The following ZDHHC18 variants were observed in gnomAD, a reference collection of about 807,000 sequenced individuals.
ZDHHC18 encodes palmitoyltransferase ZDHHC18.
Under a neutral mutation model 37.5 loss-of-function variants are expected in ZDHHC18, and 23 were observed. That is an observed-to-expected ratio of 0.61 (90% confidence interval 0.44 to 0.87). The LOEUF (loss-of-function observed/expected upper bound fraction) is 0.87, where lower values mean the gene tolerates loss of function less well. ZDHHC18 is among the 40% of genes least tolerant of loss of function. ZDHHC18 has a pLI of 0.00. For synonymous variants in ZDHHC18, 185 were observed against 218.7 expected (o/e 0.85, Z 1.36); for missense variants, 406 against 525.6 (o/e 0.77, Z 2.22).
Position 26,852,820 on chromosome 1 carries a change from T to G in ZDHHC18, c.1004T>G (p.Ile335Ser). The part of the protein sequence containing the change: ...ASVNPYSHKS[I>S]ITNCCAVLCG... ...GTCAACCCCTACAGCCATAAAAGTA[T>G]TATCACCAACTGCTGTGCTGTGCTC... Residue 335 changes from isoleucine to serine, a missense_variant, in exon 7 of 8, where the codon ATT becomes AGT. Ile to Ser is a moderately radical substitution (Grantham distance 142, BLOSUM62 -2). Coordinates refer to ENST00000374142, the MANE Select transcript of ZDHHC18 (RefSeq NM_032283.3). 1 of 1,614,062 alleles carries G rather than the reference T, an allele frequency of 6.2e-7. No homozygotes were observed. The highest frequency in any genetic ancestry group is 8.5e-7 in the Non-Finnish European group (1 of 1,179,968).
intron 2 of ZDHHC18, among the ~76,000 whole-genome samples, chr1:26,843,347 G>A (rs966868380): frequency 7.3e-5 from 11 of 150,804 alleles, no homozygotes; most frequent in African/African-American, 2.4e-4. Context: ...CACCAGGTTG[G>A]CCAGGCTGGT....
chr1:26,834,977 G>C (rs752386732), intron 2 of ZDHHC18, among the ~76,000 whole-genome samples: 25 of 152,214 alleles, frequency 1.6e-4, no homozygotes, highest in Non-Finnish European at 3.2e-4. Flanking sequence ...TTTAGAAGAG[G>C]GTCAGAGGAG....
chr1:26,826,981 C>T lies in ZDHHC18; in HGVS notation c.177C>T (p.Ser59=). 8.2e-7 allele frequency: 1 copy of T among 1,223,594 alleles called. No homozygotes were observed. Among genetic ancestry groups the T allele is most frequent in the Non-Finnish European group, 1.0e-6 (1 of 982,514 alleles). The allele number at this position is 1,223,594 out of a possible 1,614,324, so 75.8% of individuals were successfully genotyped here. Residue 59 remains serine, a synonymous_variant, in exon 1 of 8, where the codon AGC becomes AGT. Transcript: ENST00000374142. This position sits in a 1 kb window ranked among gnomAD's most constrained non-coding sequence, Gnocchi z 5.2. ...SSSGSGSGSG[S]GSLGRRPRRK... ...GCGGCAGCGGCAGCGGCAGCGGGAG[C>T]GGGAGCCTCGGCCGCCGCCCACGGC...
intron 2 of ZDHHC18, among the ~76,000 whole-genome samples, chr1:26,843,869 G>A (rs1027201768): frequency 2.6e-5 from 4 of 152,122 alleles, no homozygotes; most frequent in Non-Finnish European, 5.9e-5. Context: ...AATCAGCACT[G>A]AGATCAAGAA....
chr1:26,851,883 A>G (rs540527856), intron 6 of ZDHHC18, among the ~76,000 whole-genome samples: 4 of 152,344 alleles, frequency 2.6e-5, no homozygotes, highest in South Asian at 4.1e-4. Context: ...GCCATCAACA[A>G]GCATGTTTGA....
At position 26,850,637 on chromosome 1, in the gene ZDHHC18, T is replaced by C. The variant is rs1334096087; in HGVS notation, c.833+31T>C. 3 of 1,613,376 alleles carry C rather than the reference T, an allele frequency of 1.9e-6. No homozygotes were observed. Among genetic ancestry groups the C allele is most frequent in the South Asian group, 2.2e-5 (2 of 90,966 alleles). On this transcript the variant is annotated intron_variant, in intron 5 of 7. Transcript: ENST00000374142. The surrounding 1 kb of genome is among the most constrained non-coding windows in gnomAD (Gnocchi z 6.1). ...CTTTGTCAGCTAGAGGACACTCCAG[T>C]GGGAACTGAGGTCCCTTCACTGGGT...
At chr1:26,847,689 C>T (rs78614739) in intron 2 of ZDHHC18, among the ~76,000 whole-genome samples, 20,102 of 148,682 alleles carry the variant, frequency 0.14, 1,434 homozygotes, top group Non-Finnish European at 0.17. Context: ...CTCTCTCTCT[C>T]TTTTTTTTTT....
chr1:26,848,351 T>G (rs1570674409), intron 2 of ZDHHC18, among the ~76,000 whole-genome samples: 1 of 149,644 alleles, frequency 6.7e-6, no homozygotes. Flanking sequence ...TTTCTGGGAG[T>G]CTCCTTCTCT....
At chr1:26,830,500 CA>C (rs2081583641) in intron 1 of ZDHHC18, among the ~76,000 whole-genome samples, 1 of 151,958 alleles carries the variant, frequency 6.6e-6, no homozygotes, top group African/African-American at 2.4e-5. Context: ...GTAGATAGTA[CA>C]GTAACTATCT....
At chr1:26,833,031 C>T (rs910827684) in intron 2 of ZDHHC18, among the ~76,000 whole-genome samples, 7 of 152,208 alleles carry the variant, frequency 4.6e-5, no homozygotes, top group Non-Finnish European at 8.8e-5. Flanking sequence ...CAGTCTAGAG[C>T]ACCTGCTCTT....
chr1:26,827,467 G>A (rs2273015), intron 1 of ZDHHC18, among the ~76,000 whole-genome samples: 24,679 of 151,444 alleles, frequency 0.16, 4,297 homozygotes, highest in East Asian at 0.87. Context: ...CCCCTCCACG[G>A]CCCCCATCCT....
chr1:26,827,373 C>G (rs1260247433), intron 1 of ZDHHC18, among the ~76,000 whole-genome samples: 3 of 150,564 alleles, frequency 2.0e-5, no homozygotes, highest in Non-Finnish European at 4.4e-5. Context: ...CGCTGGTGCC[C>G]TCCACCCTCC....
intron 2 of ZDHHC18, among the ~76,000 whole-genome samples, chr1:26,839,268 T>A (rs1175326969): frequency 6.6e-6 from 1 of 152,226 alleles, no homozygotes; most frequent in Non-Finnish European, 1.5e-5. Flanking sequence ...CCTTTTTACT[T>A]GGGAAGAGCC....
Position 26,856,742 on chromosome 1 carries a change from G to A in ZDHHC18, c.*2899G>A, listed in dbSNP as rs2081736452. 6.5e-6 allele frequency: 1 copy of A among 153,412 alleles called. No individual in the cohort carries two copies. The highest frequency in any genetic ancestry group is 1.9e-4 in the East Asian group (1 of 5,216). 9.5% of individuals were successfully genotyped at this position (153,412 alleles called of 1,614,324 possible). ...CTCTCGGGCAGAGGCAGGTGCTGTG[G>A]CAGCACCTCTCCCCACCACCGGGGC... On this transcript the variant is annotated 3_prime_UTR_variant, in exon 8 of 8. Transcript: ENST00000374142. The surrounding 1 kb of genome is among the most constrained non-coding windows in gnomAD (Gnocchi z 5.2).
chr1:26,830,517 G>A (rs1424278777), intron 1 of ZDHHC18, among the ~76,000 whole-genome samples: 1 of 151,868 alleles, frequency 6.6e-6, no homozygotes. Flanking sequence ...TATCTACATA[G>A]TACAGTAACT....
chr1:26,827,113 C>T lies in ZDHHC18; in HGVS notation c.309C>T (p.Thr103=), dbSNP rs1291681643. ...VFALTLLLIL[T]TTGLFFVFDC... ...CGCTCACGCTGCTGCTCATCCTCAC[C>T]ACCACCGGCCTCTTCTTCGTCTTTG... Residue 103 remains threonine, a synonymous_variant, in exon 1 of 8, where the codon ACC becomes ACT. Transcript: ENST00000374142. The T allele has an allele frequency of 3.7e-5, 52 of 1,415,958 alleles. No homozygotes were observed. The highest frequency in any genetic ancestry group is 4.3e-5 in the Non-Finnish European group (47 of 1,089,096). 87.7% of individuals were successfully genotyped at this position (1,415,958 alleles called of 1,614,324 possible).
intron 3 of ZDHHC18, among the ~76,000 whole-genome samples, chr1:26,849,966 A>G (rs2081693918): frequency 6.6e-6 from 1 of 152,210 alleles, no homozygotes; most frequent in Non-Finnish European, 1.5e-5. Context: ...AAAAACACAC[A>G]TGGGCAGAGT....
chr1:26,837,520 C>T (rs1169337062), intron 2 of ZDHHC18, among the ~76,000 whole-genome samples: 1 of 150,504 alleles, frequency 6.6e-6, no homozygotes, highest in African/African-American at 2.4e-5. Flanking sequence ...CGCTCTGTCA[C>T]CCAGGCTGGA....
intron 2 of ZDHHC18, among the ~76,000 whole-genome samples, chr1:26,843,658 C>T (rs1293506160): frequency 6.6e-6 from 1 of 151,638 alleles, no homozygotes; most frequent in African/African-American, 2.4e-5. Flanking sequence ...GGCGTAGTGG[C>T]ACACACCTGT....
Sources: allele counts gnomAD v4.1 joint callset (sites outside exome capture counted in the v4.1 genomes callset), GRCh38; gene constraint gnomAD v4.1.1; non-coding constraint Gnocchi (gnomAD v3.1); transcripts MANE v1.5; gene names NCBI Gene and HGNC (gene_info 2026-07-23, HGNC 2026-07-21).